Variants in MTRF1 observed in about 807,000 individuals in gnomAD.
MTRF1 encodes peptide chain release factor 1, mitochondrial.
Under a neutral mutation model 62.9 loss-of-function variants are expected in MTRF1, and 51 were observed. The ratio of observed to expected loss-of-function variants is 0.81; its 90% CI spans 0.65 to 1.02. The LOEUF is 1.02. Among genes scored for constraint, MTRF1 ranks in the 50% least tolerant of loss-of-function variants. The pLI is 0.00. For missense variants in MTRF1, 446 were observed against 530.0 expected (o/e 0.84, Z 1.56); for synonymous variants, 158 against 181.9 (o/e 0.87, Z 1.06).
the MTRF1 span, among the ~76,000 whole-genome samples, chr13:41,274,605 C>T: frequency 3.8e-4 from 58 of 151,914 alleles, no homozygotes; most frequent in East Asian, 8.3e-3. Context: ...GCAGTGCTTG[C>T]GGCTGGAATG....
chr13:41,240,174 AAAG>A, intron 6 of MTRF1, 84 bp downstream of exon 6: 3 of 1,391,644 alleles, frequency 2.2e-6, no homozygotes, highest in South Asian at 1.5e-5. Context: ...AAAAAAAAAA[AAAG>A]GACAGATTTT....
chr13:41,302,607 G>A, the MTRF1 span, among the ~76,000 whole-genome samples: 2 of 151,486 alleles, frequency 1.3e-5, no homozygotes, highest in Non-Finnish European at 2.9e-5. Context: ...ATGGCTCACT[G>A]CAACCTTGAC....
chr13:41,260,451 TTC>T, intron 2 of MTRF1, 40 bp downstream of exon 2: 1 of 1,526,486 alleles, frequency 6.6e-7, no homozygotes, highest in South Asian at 1.3e-5. Flanking sequence ...GGTTTTTTTT[TTC>T]ATAGCCCTTA....
the MTRF1 span, among the ~76,000 whole-genome samples, chr13:41,309,766 G>A: frequency 6.6e-6 from 1 of 152,174 alleles, no homozygotes; most frequent in Non-Finnish European, 1.5e-5. Context: ...GAAGGCCGAG[G>A]TGGGCAGATC....
intron 6 of MTRF1, among the ~76,000 whole-genome samples, chr13:41,237,742 C>T (rs183374621): frequency 1.3e-5 from 2 of 152,236 alleles, no homozygotes; most frequent in African/African-American, 4.8e-5. Flanking sequence ...CAAATGATCC[C>T]GTCTGCTTTG....
chr13:41,239,888 C>T (rs368148493), intron 6 of MTRF1, among the ~76,000 whole-genome samples: 114 of 152,116 alleles, frequency 7.5e-4, no homozygotes, highest in African/African-American at 2.6e-3. Flanking sequence ...CGGCTGGGTG[C>T]GGTGGCTCAC....
chr13:41,251,376 T>C (rs534967800), intron 5 of MTRF1, among the ~76,000 whole-genome samples: 2 of 152,212 alleles, frequency 1.3e-5, no homozygotes, highest in Non-Finnish European at 1.5e-5. Flanking sequence ...AATCATATTC[T>C]TATTAATGCA....
chr13:41,301,873 G>A, the MTRF1 span, among the ~76,000 whole-genome samples: 2 of 152,170 alleles, frequency 1.3e-5, no homozygotes, highest in South Asian at 2.1e-4. Flanking sequence ...TGAAAAGTCT[G>A]TCTGGGTGTG....
chr13:41,229,274 A>G (rs2138775174), intron 7 of MTRF1: 1 of 152,356 alleles, frequency 6.6e-6, no homozygotes, highest in African/African-American at 2.4e-5. Context: ...GGAATGATCA[A>G]ATCAGGGTAA....
chr13:41,289,372 G>T, the MTRF1 span, among the ~76,000 whole-genome samples: 2 of 152,022 alleles, frequency 1.3e-5, no homozygotes, highest in East Asian at 3.9e-4. Context: ...CAGGTAGCTG[G>T]GGTTATAGGT....
At chr13:41,288,171 G>T in the MTRF1 span, 2 of 499,008 alleles carry the variant, frequency 4.0e-6, no homozygotes. Flanking sequence ...AGATTCACTG[G>T]CTTTCCATCT....
chr13:41,234,736 T>G (rs1356522520), intron 6 of MTRF1, among the ~76,000 whole-genome samples: 1 of 152,234 alleles, frequency 6.6e-6, no homozygotes, highest in Non-Finnish European at 1.5e-5. Context: ...TTTGCAGACA[T>G]GCATAGGGCA....
the MTRF1 span, among the ~76,000 whole-genome samples, chr13:41,290,788 A>G: frequency 6.6e-6 from 1 of 151,378 alleles, no homozygotes; most frequent in South Asian, 2.1e-4. Flanking sequence ...TTTTGCACCA[A>G]CCTATAAAAG....
Position 41,260,498 on chromosome 13 carries a change from C to A in MTRF1, c.410G>T (p.Cys137Phe), listed in dbSNP as rs760298441. ...EQAIEELESM[C>F]KSLNKQDEKQ... ...CATAAGTATCTTTTACCTACTTTTA[C>A]ACATTGATTCTAATTCTTCAATTGC... is the stretch of plus-strand genomic sequence containing the variant. Residue 137 changes from cysteine to phenylalanine, a missense_variant, in exon 2 of 10, where the codon TGT (cysteine) becomes TTT (phenylalanine). Transcript: ENST00000379480. 1.3e-5 allele frequency: 21 copies of A among 1,609,020 alleles called. No individual in the cohort carries two copies. The highest frequency in any genetic ancestry group is 1.7e-5 in the Non-Finnish European group (20 of 1,177,238).
intron 5 of MTRF1, among the ~76,000 whole-genome samples, chr13:41,249,264 G>A (rs545801104): frequency 3.3e-5 from 5 of 152,024 alleles, no homozygotes; most frequent in Admixed American, 1.3e-4. Flanking sequence ...TTTTTAGGCC[G>A]GGCGCGGTGG....
chr13:41,245,182 A>G (rs2038074264), intron 5 of MTRF1, among the ~76,000 whole-genome samples: 2 of 149,784 alleles, frequency 1.3e-5, no homozygotes, highest in South Asian at 4.2e-4. Context: ...TTGCTTTCTA[A>G]TTATTTCCTG....
At chr13:41,259,460 G>A (rs953520700) in intron 2 of MTRF1, among the ~76,000 whole-genome samples, 2 of 152,128 alleles carry the variant, frequency 1.3e-5, no homozygotes, top group Non-Finnish European at 2.9e-5. Flanking sequence ...AGCACATTGG[G>A]AGGCCAAGGT....
chr13:41,278,368 A>G, the MTRF1 span, among the ~76,000 whole-genome samples: 150,770 of 152,334 alleles, frequency 0.99, 74,634 homozygotes, highest in East Asian at 1. Context: ...GAGTGGGCCC[A>G]AGCATAGGGG....
chr13:41,271,819 G>C, the MTRF1 span, among the ~76,000 whole-genome samples: 11 of 152,048 alleles, frequency 7.2e-5, no homozygotes, highest in Admixed American at 3.3e-4. Flanking sequence ...CTGTTAACCT[G>C]TGAAAACAAC....
Sources: allele counts gnomAD v4.1 joint callset (sites outside exome capture counted in the v4.1 genomes callset), GRCh38; gene constraint gnomAD v4.1.1; transcripts MANE v1.5; gene names NCBI Gene and HGNC (gene_info 2026-07-23, HGNC 2026-07-21).